Variants in LOXL3 observed in about 807,000 individuals in gnomAD.
The protein encoded by LOXL3 is lysyl oxidase like 3.
A neutral mutation model predicts 91.8 loss-of-function variants in LOXL3; 60 were observed. The ratio of observed to expected loss-of-function variants is 0.65; its 90% CI spans 0.53 to 0.81. LOXL3 has a LOEUF of 0.81. Ranked by LOEUF, LOXL3 falls within the 30% of genes least tolerant of loss-of-function variation. LOXL3 has a pLI of 0.00. For synonymous variants in LOXL3, 355 were observed against 387.6 expected, an observed-to-expected ratio of 0.92 and a Z score of 0.99; for missense variants, 874 against 1,000.4, an observed-to-expected ratio of 0.87 and a Z score of 1.70.
chr2:74,545,838 C>T (rs1573018323), intron 4 of LOXL3, among the ~76,000 whole-genome samples: 1 of 152,280 alleles, frequency 6.6e-6, no homozygotes, highest in East Asian at 1.9e-4. Context: ...GGTATGTTGT[C>T]CAGTTTCAGG....
rs892158448 is a variant in LOXL3, at chr2:74,549,101, G to A, written c.692+268C>T. The A allele has an allele frequency of 3.0e-5, 10 of 332,120 alleles. No homozygotes were observed. Among genetic ancestry groups the A allele is most frequent in the African/African-American group, 2.1e-4 (10 of 46,512 alleles). 20.6% of individuals were successfully genotyped at this position (332,120 alleles called of 1,614,324 possible). A position where few individuals can be genotyped will look rare whatever the true frequency, so the allele number is the denominator to read the frequency against. On this transcript the variant is annotated intron_variant, in intron 4 of 13. Transcript: ENST00000264094. This position sits in a 1 kb window ranked among gnomAD's most constrained non-coding sequence, Gnocchi z 5.3. ...CTCGCGAGGCCGGCGCGCGCCCCGGGGCCGAGGAATCCGCCTGCCCGCCCA... is the reference window on the plus strand; with the variant it reads ...CTCGCGAGGCCGGCGCGCGCCCCGGAGCCGAGGAATCCGCCTGCCCGCCCA...
intron 4 of LOXL3, among the ~76,000 whole-genome samples, chr2:74,544,933 A>C (rs887512121): frequency 1.3e-5 from 2 of 152,168 alleles, no homozygotes; most frequent in Non-Finnish European, 2.9e-5. Context: ...TTTCCCCACG[A>C]AGAATGGCCT....
chr2:74,540,916 G>A (rs1176740423), intron 4 of LOXL3, among the ~76,000 whole-genome samples: 1 of 152,098 alleles, frequency 6.6e-6, no homozygotes, highest in Non-Finnish European at 1.5e-5. Flanking sequence ...CTCCTGCCTT[G>A]GCCTCCCAAA....
chr2:74,532,961 T>C lies in LOXL3; in HGVS notation c.*645A>G. Reference sequence around the variant, plus strand: ...GGGGACGAGAAACACTGACCTTATATGTGACCCCTGAGGTCACAGAATGAA... The same window carrying C: ...GGGGACGAGAAACACTGACCTTATACGTGACCCCTGAGGTCACAGAATGAA... On this transcript the variant is annotated 3_prime_UTR_variant, in exon 14 of 14. Coordinates refer to ENST00000264094, the MANE Select transcript of LOXL3 (RefSeq NM_032603.5). 1 of 1,613,998 alleles carries C rather than the reference T, an allele frequency of 6.2e-7. No homozygotes were observed.
chr2:74,552,563 C>T lies in LOXL3; in HGVS notation c.72G>A (p.Leu24=). The T allele has an allele frequency of 6.2e-7, 1 of 1,610,562 alleles. No homozygotes were observed. The highest frequency in any genetic ancestry group is 8.5e-7 in the Non-Finnish European group (1 of 1,178,332). Residue 24 remains leucine (L), a synonymous_variant, in exon 2 of 14, where the codon TTG becomes TTA. Transcript: ENST00000264094. ...GGCCCGTGGAAGGGGACGGAGACCCCAAGCACGAACTGCACAGCAGGCACA... is the reference window on the plus strand; with the variant it reads ...GGCCCGTGGAAGGGGACGGAGACCCTAAGCACGAACTGCACAGCAGGCACA... The part of the protein sequence containing the change: ...LLLCLLCSSC[L]GSPSPSTGPE...
chr2:74,543,167 T>C (rs1432504775), intron 4 of LOXL3, among the ~76,000 whole-genome samples: 1 of 152,260 alleles, frequency 6.6e-6, no homozygotes, highest in African/African-American at 2.4e-5. Context: ...GGCTGACTCC[T>C]AGGCAGTGTG....
Position 74,534,213 on chromosome 2 carries a change from C to T in LOXL3, c.1963G>A (p.Ala655Thr), listed in dbSNP as rs147915651. The change falls in exon 12 of 14, where the codon GCC becomes ACC. Residue 655 changes from alanine (A) to threonine (T), a missense_variant. Transcript: ENST00000264094. ...QEDVSKRYEC[A>T]NFGEQGITVG... ...GTGATGCCTTGCTCTCCAAAGTTGG[C>T]ACACTCATACCGCTTGGAGACATCT... 6.2e-7 allele frequency: 1 copy of T among 1,614,184 alleles called. No individual in the cohort carries two copies.
chr2:74,552,494 A>G lies in LOXL3; in HGVS notation c.141T>C (p.Ala47=). 1 of 1,613,554 alleles carries G rather than the reference A, an allele frequency of 6.2e-7. No individual in the cohort carries two copies. Among genetic ancestry groups the G allele is most frequent in the East Asian group, 2.2e-5 (1 of 44,890 alleles). Reference sequence around the variant, plus strand: ...CCTCGTAGGGCTTCCTGGGGAAGCCAGCCAGCCGGAACCGAAGCCCCTGGC... The same window carrying G: ...CCTCGTAGGGCTTCCTGGGGAAGCCGGCCAGCCGGAACCGAAGCCCCTGGC... ...AGSQGLRFRL[A]GFPRKPYEGR... is the part of the protein sequence containing the mutation. The change falls in exon 2 of 14, where the codon GCT becomes GCC. Residue 47 remains alanine (A), a synonymous_variant. Coordinates refer to ENST00000264094, the MANE Select transcript of LOXL3 (RefSeq NM_032603.5).
chr2:74,543,674 T>C (rs1454638621), intron 4 of LOXL3, among the ~76,000 whole-genome samples: 1 of 151,378 alleles, frequency 6.6e-6, no homozygotes, highest in African/African-American at 2.4e-5. Context: ...GATCTGATCC[T>C]GAGGTCAGGA....
At chr2:74,540,273 G>C in intron 4 of LOXL3, among the ~76,000 whole-genome samples, 1 of 152,198 alleles carries the variant, frequency 6.6e-6, no homozygotes, top group Non-Finnish European at 1.5e-5. Flanking sequence ...TAGGGCAGAT[G>C]GCAAGTAAGG....
Position 74,552,606 on chromosome 2 carries a change from C to T in LOXL3, c.29G>A (p.Ser10Asn), listed in dbSNP as rs1453420346. 3 of 1,583,468 alleles carry T rather than the reference C, an allele frequency of 1.9e-6. No homozygotes were observed. Among genetic ancestry groups the T allele is most frequent in the Admixed American group, 3.5e-5 (2 of 57,124 alleles). MRPVSVWQW[S>N]PWGLLLCLLC... ...CAGGCACAGCAGCAGCCCCCAGGGGCTCCACTGCCAGACACTGACAGGTCG... is the reference window on the plus strand; with the variant it reads ...CAGGCACAGCAGCAGCCCCCAGGGGTTCCACTGCCAGACACTGACAGGTCG... Residue 10 changes from serine (S) to asparagine (N), a missense_variant, in exon 2 of 14, where the codon AGC becomes AAC. Physicochemically the swap from Ser to Asn is conservative, Grantham distance 46 (BLOSUM62 1). Transcript: ENST00000264094.
At chr2:74,551,772 C>T (rs540472614) in intron 2 of LOXL3, among the ~76,000 whole-genome samples, 16 of 152,382 alleles carry the variant, frequency 1.0e-4, no homozygotes, top group African/African-American at 3.4e-4. Context: ...GGGTTCATAC[C>T]ATGGGCACAG....
At position 74,535,004 on chromosome 2, in the gene LOXL3, G is replaced by A. The variant is rs1487179953; in HGVS notation, c.1580-230C>T. On this transcript the variant is annotated intron_variant, in intron 9 of 13. Transcript: ENST00000264094. This position sits in a 1 kb window ranked among gnomAD's most constrained non-coding sequence, Gnocchi z 4.2. ...AGTGATTCTCCTGCCTCAGCCTCCC[G>A]AGTAGCTGGGATTATAGGCGCCTGC... is the stretch of plus-strand genomic sequence containing the variant. Among the ~76,000 whole-genome samples, 1 of 152,100 alleles carries A rather than the reference G, an allele frequency of 6.6e-6. No homozygotes were observed. Among genetic ancestry groups the A allele is most frequent in the East Asian group, 1.9e-4 (1 of 5,190 alleles).
At chr2:74,555,392 T>G, upstream of LOXL3, 1 of 1,612,230 alleles carries the variant, frequency 6.2e-7, no homozygotes, top group Non-Finnish European at 8.5e-7. The surrounding 1 kb of genome is among the most constrained non-coding windows in gnomAD (Gnocchi z 6.1). Flanking sequence ...TCGCACCTGC[T>G]GGCGGCCGAC....
intron 4 of LOXL3, among the ~76,000 whole-genome samples, chr2:74,546,706 T>C (rs1399994830): frequency 2.0e-5 from 3 of 152,200 alleles, no homozygotes; most frequent in Non-Finnish European, 4.4e-5. Flanking sequence ...ACTTACTTAC[T>C]TAATTTATTT....
Position 74,536,796 on chromosome 2 carries a change from GC to G in LOXL3, c.824del (p.Gly275AlafsTer5), listed in dbSNP as rs746133895. ...ANDTARCPGG[G>X]PAVVSCVPGP... ...CTGGCACACAGCTCACCACTGCAGG[GC>G]CCCCCCCAGGGCACCTGGCGGTGTC... On this transcript the variant is annotated frameshift_variant, in exon 5 of 14. Coordinates refer to ENST00000264094, the MANE Select transcript of LOXL3 (RefSeq NM_032603.5). LOFTEE classifies it high-confidence loss of function. The surrounding 1 kb of genome is among the most constrained non-coding windows in gnomAD (Gnocchi z 4.5). 12 of 1,612,942 alleles carry G rather than the reference GC, an allele frequency of 7.4e-6. No homozygotes were observed. The highest frequency in any genetic ancestry group is 1.6e-4 in the Middle Eastern group (1 of 6,082).
At chr2:74,545,044 A>C (rs889769518) in intron 4 of LOXL3, among the ~76,000 whole-genome samples, 1 of 152,196 alleles carries the variant, frequency 6.6e-6, no homozygotes, top group African/African-American at 2.4e-5. Flanking sequence ...AACTTATTTC[A>C]GCTTTGCATA....
upstream of LOXL3, chr2:74,554,263 A>C (rs1677222350): frequency 6.4e-6 from 1 of 155,622 alleles, no homozygotes; most frequent in African/African-American, 2.4e-5. The surrounding 1 kb of genome is among the most constrained non-coding windows in gnomAD (Gnocchi z 4.9). Context: ...TGGTGGCGGG[A>C]AGCGGTTCAA....
intron 4 of LOXL3, among the ~76,000 whole-genome samples, chr2:74,542,127 T>C (rs1310737421): frequency 1.3e-5 from 2 of 152,150 alleles, no homozygotes; most frequent in Admixed American, 6.5e-5. Flanking sequence ...ACCTCGTCTC[T>C]ACAAAAAATT....
Sources: allele counts gnomAD v4.1 joint callset (sites outside exome capture counted in the v4.1 genomes callset), GRCh38; gene constraint gnomAD v4.1.1; non-coding constraint Gnocchi (gnomAD v3.1); transcripts MANE v1.5; gene names NCBI Gene and HGNC (gene_info 2026-07-23, HGNC 2026-07-21).